ELP4: variants seen among roughly 807,000 people sequenced by gnomAD.
The protein encoded by ELP4 is elongator acetyltransferase complex subunit 4.
In ELP4, 51 loss-of-function variants were observed where a neutral mutation model predicts 48.9. That is an observed-to-expected ratio of 1.04 (90% CI 0.83 to 1.32). The LOEUF (loss-of-function observed/expected upper bound fraction) is 1.32. Among genes scored for constraint, ELP4 ranks in the 40% most tolerant of loss-of-function variants. ELP4 has a pLI of 0.00. For synonymous variants in ELP4, 210 were observed against 189.2 expected, an observed-to-expected ratio of 1.11 and a Z score of -0.90; for missense variants, 519 against 514.6, an observed-to-expected ratio of 1.01 and a Z score of -0.08.
intron 9 of ELP4, among the ~76,000 whole-genome samples, chr11:31,741,859 G>A (rs780289107): frequency 2.6e-5 from 4 of 152,212 alleles, no homozygotes; most frequent in African/African-American, 4.8e-5. Flanking sequence ...GCAAAGGAAC[G>A]CAGCTCCTCA....
chr11:31,765,935 T>G (rs548514167), intron 9 of ELP4, among the ~76,000 whole-genome samples: 1 of 152,216 alleles, frequency 6.6e-6, no homozygotes, highest in Non-Finnish European at 1.5e-5. Flanking sequence ...TAACTCCTAA[T>G]AAAAGACTTA....
intron 2 of ELP4, among the ~76,000 whole-genome samples, chr11:31,538,995 C>T (rs1446428657): frequency 6.6e-6 from 1 of 152,016 alleles, no homozygotes; most frequent in African/African-American, 2.4e-5. Context: ...GAATTGTTTC[C>T]TTTTCCTTTT....
chr11:31,676,167 A>T (rs2134114739), intron 9 of ELP4, among the ~76,000 whole-genome samples: 1 of 151,962 alleles, frequency 6.6e-6, no homozygotes, highest in South Asian at 2.1e-4. Context: ...CCTTGCTTGA[A>T]CACAGTAAGC....
intron 9 of ELP4, among the ~76,000 whole-genome samples, chr11:31,681,340 C>G (rs1946047177): frequency 6.6e-6 from 1 of 152,148 alleles, no homozygotes; most frequent in South Asian, 2.1e-4. Context: ...TTGCATCATA[C>G]CGTATAGAAT....
chr11:31,740,516 A>T (rs1350614848), intron 9 of ELP4, among the ~76,000 whole-genome samples: 1 of 152,238 alleles, frequency 6.6e-6, no homozygotes, highest in East Asian at 1.9e-4. Flanking sequence ...ATTTAGATGC[A>T]ATTAAGTCTG....
At chr11:31,657,414 G>C (rs1260476841) in intron 9 of ELP4, among the ~76,000 whole-genome samples, 1 of 151,866 alleles carries the variant, frequency 6.6e-6, no homozygotes, top group Admixed American at 6.6e-5. Flanking sequence ...TAGTTTATTT[G>C]TTTATTTTCC....
chr11:31,639,452 C>T (rs1489835927), intron 7 of ELP4, among the ~76,000 whole-genome samples: 1 of 151,888 alleles, frequency 6.6e-6, no homozygotes, highest in African/African-American at 2.4e-5. Flanking sequence ...ATAATTCTTA[C>T]AGCTCAAGCT....
chr11:31,771,717 C>A (rs2902449), intron 9 of ELP4, among the ~76,000 whole-genome samples: 105,595 of 152,066 alleles, frequency 0.69, 37,423 homozygotes, highest in African/African-American at 0.84. Context: ...CAGTGGCTCA[C>A]GCCTGTAATC....
intron 9 of ELP4, among the ~76,000 whole-genome samples, chr11:31,686,856 G>A (rs1214127522): frequency 7.0e-6 from 1 of 143,800 alleles, no homozygotes; most frequent in Non-Finnish European, 1.5e-5. Flanking sequence ...GCAACAGAGT[G>A]AGACCCTGCT....
intron 3 of ELP4, among the ~76,000 whole-genome samples, chr11:31,591,250 C>CA (rs1442201998): frequency 6.6e-6 from 1 of 151,362 alleles, no homozygotes; most frequent in Admixed American, 6.6e-5. Context: ...ACTAAAAATA[C>CA]AAAAAATTAG....
intron 9 of ELP4, among the ~76,000 whole-genome samples, chr11:31,666,755 T>G (rs1418723835): frequency 1.3e-5 from 2 of 148,972 alleles, no homozygotes; most frequent in African/African-American, 4.9e-5. Context: ...TCTAGAGAAA[T>G]GTAAAGTCTA....
chr11:31,591,508 G>GTCGT (rs1957575740), intron 3 of ELP4, among the ~76,000 whole-genome samples: 1 of 151,204 alleles, frequency 6.6e-6, no homozygotes, highest in South Asian at 2.1e-4. Context: ...GTTATGCTCA[G>GTCGT]TATCATTGTC....
intron 9 of ELP4, among the ~76,000 whole-genome samples, chr11:31,770,446 C>T (rs1404716258): frequency 1.3e-5 from 2 of 151,516 alleles, no homozygotes; most frequent in Non-Finnish European, 1.5e-5. Flanking sequence ...GCATCTTTCA[C>T]AGTGTTTTTA....
intron 5 of ELP4, among the ~76,000 whole-genome samples, chr11:31,604,590 G>A (rs892062545): frequency 6.6e-6 from 1 of 151,864 alleles, no homozygotes; most frequent in African/African-American, 2.4e-5. Flanking sequence ...ATTTCAGTAA[G>A]TTATGGAACA....
intron 9 of ELP4, among the ~76,000 whole-genome samples, chr11:31,701,539 T>A (rs1946522092): frequency 6.6e-6 from 1 of 151,892 alleles, no homozygotes. Flanking sequence ...CTATTTAAAT[T>A]TATGTCAAAA....
intron 7 of ELP4, among the ~76,000 whole-genome samples, chr11:31,644,595 T>C (rs1165111150): frequency 6.6e-6 from 1 of 151,834 alleles, no homozygotes; most frequent in Non-Finnish European, 1.5e-5. Context: ...AAGTGAATTG[T>C]GATTATTATG....
At chr11:31,694,279 G>A (rs941380621) in intron 9 of ELP4, among the ~76,000 whole-genome samples, 1 of 152,090 alleles carries the variant, frequency 6.6e-6, no homozygotes, top group Non-Finnish European at 1.5e-5. Context: ...TTTCTTCTAG[G>A]GTTTTTATGG....
At chr11:31,738,120 G>A (rs1417544818) in intron 9 of ELP4, among the ~76,000 whole-genome samples, 2 of 151,038 alleles carry the variant, frequency 1.3e-5, no homozygotes, top group Non-Finnish European at 2.9e-5. Context: ...ATCCAGCCAG[G>A]CACGGTGGCT....
chr11:31,528,491 T>G (rs1037353166), intron 2 of ELP4, among the ~76,000 whole-genome samples: 9 of 152,188 alleles, frequency 5.9e-5, no homozygotes, highest in African/African-American at 2.2e-4. Flanking sequence ...ACTTTTCTAC[T>G]TCTGTATTTC....
Sources: gnomAD v4.1 joint callset for allele counts (sites outside exome capture counted in the v4.1 genomes callset) on GRCh38, gnomAD v4.1.1 for gene constraint, MANE v1.5 for transcripts, NCBI Gene and HGNC (gene_info 2026-07-23, HGNC 2026-07-21) for gene names.